Variants in ENTREP2 observed in about 807,000 individuals in gnomAD.
ENTREP2 encodes endosomal transmembrane epsin interactor 2, also known as protein ENTREP2.
the ENTREP2 span, among the ~76,000 whole-genome samples, chr15:29,399,933 G>A: frequency 3.3e-5 from 5 of 152,154 alleles, no homozygotes; most frequent in East Asian, 3.9e-4. Flanking sequence ...AGGAAGAGGA[G>A]GGCTCAGTCT....
the ENTREP2 span, among the ~76,000 whole-genome samples, chr15:29,128,147 G>T: frequency 1.3e-5 from 2 of 152,214 alleles, no homozygotes; most frequent in Non-Finnish European, 2.9e-5. Context: ...AAATAAGCCA[G>T]CCCATGTGAC....
chr15:29,166,795 T>C, the ENTREP2 span, among the ~76,000 whole-genome samples: 1 of 152,140 alleles, frequency 6.6e-6, no homozygotes, highest in African/African-American at 2.4e-5. Context: ...ACCACCATCA[T>C]TCTTCACAGA....
At chr15:29,389,466 C>G in the ENTREP2 span, among the ~76,000 whole-genome samples, 8 of 152,090 alleles carry the variant, frequency 5.3e-5, no homozygotes, top group Admixed American at 4.6e-4. Context: ...AACACCAATG[C>G]TTGAGCGCTT....
the ENTREP2 span, among the ~76,000 whole-genome samples, chr15:29,130,909 G>T: frequency 5.9e-5 from 9 of 152,204 alleles, no homozygotes; most frequent in African/African-American, 1.9e-4. Flanking sequence ...TTTGAGTTCA[G>T]TGAGGAAGCT....
chr15:29,352,804 C>T, the ENTREP2 span, among the ~76,000 whole-genome samples: 5 of 152,246 alleles, frequency 3.3e-5, no homozygotes, highest in Non-Finnish European at 7.3e-5. Context: ...AACTTCCCTT[C>T]AGACATCTTT....
chr15:29,268,589 G>T, the ENTREP2 span: 1 of 487,396 alleles, frequency 2.1e-6, no homozygotes, highest in Non-Finnish European at 3.5e-6. Context: ...CAAAACAAAT[G>T]CTCCTTTGTT....
the ENTREP2 span, among the ~76,000 whole-genome samples, chr15:29,192,240 AT>A: frequency 6.6e-6 from 1 of 152,202 alleles, no homozygotes; most frequent in African/African-American, 2.4e-5. Flanking sequence ...GGGAGAAAGC[AT>A]TTGGCTGACT....
the ENTREP2 span, among the ~76,000 whole-genome samples, chr15:29,204,004 G>C: frequency 1.3e-5 from 2 of 152,192 alleles, no homozygotes; most frequent in East Asian, 3.8e-4. Flanking sequence ...AATGACCCCA[G>C]GGAATAGACA....
At chr15:29,589,751 C>CAGACAGTAGGAA in the ENTREP2 span, among the ~76,000 whole-genome samples, 1 of 152,188 alleles carries the variant, frequency 6.6e-6, no homozygotes, top group African/African-American at 2.4e-5. Flanking sequence ...AGCTGTGATA[C>CAGACAGTAGGAA]AGACAGTAGG....
At chr15:29,520,937 T>G in the ENTREP2 span, among the ~76,000 whole-genome samples, 5 of 152,288 alleles carry the variant, frequency 3.3e-5, no homozygotes, top group African/African-American at 1.2e-4. Flanking sequence ...TGGGAAGATA[T>G]AATGTATTCA....
chr15:29,338,821 T>C, the ENTREP2 span, among the ~76,000 whole-genome samples: 9 of 152,170 alleles, frequency 5.9e-5, no homozygotes, highest in Non-Finnish European at 1.3e-4. Context: ...CATTTCCAAA[T>C]AAAACGGTTG....
chr15:29,501,660 T>C, the ENTREP2 span, among the ~76,000 whole-genome samples: 1 of 152,006 alleles, frequency 6.6e-6, no homozygotes, highest in Admixed American at 6.6e-5. Context: ...CTGGAGGTTA[T>C]AGCCAGGGCA....
the ENTREP2 span, among the ~76,000 whole-genome samples, chr15:29,446,797 C>T: frequency 6.6e-6 from 1 of 152,176 alleles, no homozygotes; most frequent in African/African-American, 2.4e-5. Flanking sequence ...CTAGAGGTGA[C>T]CCACATTCCT....
the ENTREP2 span, among the ~76,000 whole-genome samples, chr15:29,432,921 C>T: frequency 5.3e-5 from 8 of 152,194 alleles, no homozygotes; most frequent in Admixed American, 2.6e-4. Context: ...CAACAGGCAC[C>T]GGGTATAATC....
At chr15:29,372,153 G>C in the ENTREP2 span, among the ~76,000 whole-genome samples, 1 of 152,038 alleles carries the variant, frequency 6.6e-6, no homozygotes, top group Non-Finnish European at 1.5e-5. Flanking sequence ...GACTGCATAG[G>C]TCCACTTACA....
chr15:29,477,647 A>T, the ENTREP2 span, among the ~76,000 whole-genome samples: 1 of 152,150 alleles, frequency 6.6e-6, no homozygotes, highest in African/African-American at 2.4e-5. Flanking sequence ...TGGCTGAGAA[A>T]AAGCTGCAGG....
the ENTREP2 span, among the ~76,000 whole-genome samples, chr15:29,152,232 A>C: frequency 6.6e-6 from 1 of 152,242 alleles, no homozygotes; most frequent in East Asian, 1.9e-4. Context: ...TGCAATTGTA[A>C]GAAATCCTAC....
the ENTREP2 span, among the ~76,000 whole-genome samples, chr15:29,492,966 T>G: frequency 6.6e-6 from 1 of 150,884 alleles, no homozygotes; most frequent in Non-Finnish European, 1.5e-5. Context: ...ATCACGCCAC[T>G]GCACTCCAGC....
the ENTREP2 span, among the ~76,000 whole-genome samples, chr15:29,137,842 G>A: frequency 6.6e-6 from 1 of 151,944 alleles, no homozygotes; most frequent in Non-Finnish European, 1.5e-5. Context: ...TTGAGACTCT[G>A]TCTGAAAAAA....
Sources: gnomAD v4.1 joint callset for allele counts (sites outside exome capture counted in the v4.1 genomes callset) on GRCh38, gnomAD v4.1.1 for gene constraint, MANE v1.5 for transcripts, NCBI Gene and HGNC (gene_info 2026-07-23, HGNC 2026-07-21) for gene names.